SLC39A10: variants seen among roughly 807,000 people sequenced by gnomAD.
SLC39A10 encodes solute carrier family 39 member 10, also known as zinc transporter ZIP10.
SLC39A10 carries 13 observed loss-of-function variants against 65.1 expected under a neutral mutation model. The observed-to-expected ratio is 0.20, with a 90% confidence interval of 0.13 to 0.32. The LOEUF (loss-of-function observed/expected upper bound fraction) is 0.32, where lower values mean the gene tolerates loss of function less well. Among genes scored for constraint, SLC39A10 ranks in the 10% least tolerant of loss-of-function variants. SLC39A10 has a pLI of 1.00. For synonymous variants in SLC39A10, 321 were observed against 342.2 expected, an observed-to-expected ratio of 0.94 and a Z score of 0.68; for missense variants, 831 against 1,018.4, an observed-to-expected ratio of 0.82 and a Z score of 2.50.
At chr2:195,666,333 A>G (rs999197758) in intron 1 of SLC39A10, among the ~76,000 whole-genome samples, 1 of 152,178 alleles carries the variant, frequency 6.6e-6, no homozygotes, top group Non-Finnish European at 1.5e-5. Flanking sequence ...CAGTTTTTAC[A>G]ATGGCAAGCT....
intron 2 of SLC39A10, among the ~76,000 whole-genome samples, chr2:195,651,538 G>C (rs2105713950): frequency 6.6e-6 from 1 of 152,198 alleles, no homozygotes; most frequent in South Asian, 2.1e-4. Flanking sequence ...GCAGGGGCAT[G>C]ATCTCGGCTC....
At chr2:195,660,224 A>T (rs1234420622) in intron 1 of SLC39A10, among the ~76,000 whole-genome samples, 1 of 152,220 alleles carries the variant, frequency 6.6e-6, no homozygotes, top group Non-Finnish European at 1.5e-5. Flanking sequence ...TTACCTCAGT[A>T]TTGGAAATGC....
At chr2:195,686,401 A>T (rs1186754687) in intron 3 of SLC39A10, among the ~76,000 whole-genome samples, 1 of 152,198 alleles carries the variant, frequency 6.6e-6, no homozygotes, top group Non-Finnish European at 1.5e-5. Flanking sequence ...AATACAAAAA[A>T]TTAGCTGGAT....
intron 8 of SLC39A10, among the ~76,000 whole-genome samples, chr2:195,725,159 TAAATGGAGATTCTTAA>T (rs1454740003): frequency 6.6e-6 from 1 of 152,084 alleles, no homozygotes; most frequent in African/African-American, 2.4e-5. Flanking sequence ...GTAGGTAATC[TAAATGGAGATTCTTAA>T]AAATAGAAGA....
chr2:195,622,273 G>A (rs945281292), intron 2 of SLC39A10, among the ~76,000 whole-genome samples: 1 of 152,126 alleles, frequency 6.6e-6, no homozygotes, highest in African/African-American at 2.4e-5. Flanking sequence ...GGCTGAGATG[G>A]GAGGATGGCT....
chr2:195,720,992 A>C (rs1279342144), intron 8 of SLC39A10, among the ~76,000 whole-genome samples: 2 of 152,122 alleles, frequency 1.3e-5, no homozygotes, highest in Non-Finnish European at 2.9e-5. Flanking sequence ...CCCAGGCTGG[A>C]GTGCAGTGGC....
chr2:195,649,553 G>A lies in SLC39A10; in HGVS notation c.-11-30479G>A, dbSNP rs1035443250. ...TCTTATGTGATGACATTTTAAAATG[G>A]ATGTATTAATTTCAACCAGTTTAAC... is the stretch of plus-strand genomic sequence containing the variant. On this transcript the variant is annotated intron_variant, in intron 2 of 2. Transcript: ENST00000458054. 1.2e-4 allele frequency among the ~76,000 whole-genome samples: 19 copies of A among 152,150 alleles called. 1 individual carries two copies. Among genetic ancestry groups the A allele is most frequent in the Admixed American group, 1.2e-3 (19 of 15,274 alleles).
intron 1 of SLC39A10, among the ~76,000 whole-genome samples, chr2:195,665,013 A>C (rs998188932): frequency 6.6e-6 from 1 of 152,058 alleles, no homozygotes; most frequent in Non-Finnish European, 1.5e-5. Context: ...GGAAACCACC[A>C]TCTCGACAAA....
At chr2:195,711,862 C>G (rs147705222) in intron 5 of SLC39A10, among the ~76,000 whole-genome samples, 151 of 152,278 alleles carry the variant, frequency 9.9e-4, no homozygotes, top group African/African-American at 3.6e-3. Flanking sequence ...GTTGGCTCCT[C>G]CTTCCCCTTT....
intron 2 of SLC39A10, among the ~76,000 whole-genome samples, chr2:195,639,145 TC>T (rs1688752325): frequency 6.6e-6 from 1 of 152,038 alleles, no homozygotes; most frequent in Non-Finnish European, 1.5e-5. Flanking sequence ...TAAAGATAAG[TC>T]TTGCTATGTT....
At chr2:195,712,241 G>T (rs1356940820) in intron 5 of SLC39A10, among the ~76,000 whole-genome samples, 1 of 152,196 alleles carries the variant, frequency 6.6e-6, no homozygotes, top group African/African-American at 2.4e-5. Flanking sequence ...AAAAGCAAAA[G>T]CTTCCAGATC....
At chr2:195,723,533 T>C (rs1349087483) in intron 8 of SLC39A10, among the ~76,000 whole-genome samples, 1 of 152,078 alleles carries the variant, frequency 6.6e-6, no homozygotes, top group Admixed American at 6.5e-5. Flanking sequence ...CCCCAGAGTC[T>C]TGGACTCCAC....
At position 195,735,192 on chromosome 2, in the gene SLC39A10, G is replaced by A. The variant is rs758639190; in HGVS notation, c.*151G>A. On this transcript the variant is annotated 3_prime_UTR_variant, in exon 10 of 10. Transcript: ENST00000359634. ...TTGAGCCTAACCACAAGAGGCTGGT[G>A]CTTAGTACTGTTTTCCCTGCACGTA... 30 of 689,740 alleles carry A rather than the reference G, an allele frequency of 4.3e-5. No individual in the cohort carries two copies. The highest frequency in any genetic ancestry group is 6.3e-5 in the Non-Finnish European group (28 of 445,606). The allele number at this position is 689,740 out of a possible 1,614,324, so 42.7% of individuals were successfully genotyped here.
intron 1 of SLC39A10, among the ~76,000 whole-genome samples, chr2:195,669,263 T>TA (rs1177516631): frequency 3.3e-5 from 5 of 152,056 alleles, no homozygotes; most frequent in Non-Finnish European, 4.4e-5. Flanking sequence ...TCTTTTCCCT[T>TA]AAAAAAAGTC....
intron 2 of SLC39A10, among the ~76,000 whole-genome samples, chr2:195,636,588 A>G (rs1688700915): frequency 6.6e-6 from 1 of 151,852 alleles, no homozygotes. Context: ...AGTCTCTACT[A>G]AAAAAACAAA....
intron 2 of SLC39A10, among the ~76,000 whole-genome samples, chr2:195,644,385 AGGCTGGAGTGCAGT>A (rs1688868610): frequency 7.2e-6 from 1 of 138,202 alleles, no homozygotes; most frequent in Non-Finnish European, 1.5e-5. Context: ...TCTGTTGCCC[AGGCTGGAGTGCAGT>A]GGCACGATCT....
intron 2 of SLC39A10, among the ~76,000 whole-genome samples, chr2:195,613,099 A>G (rs1688133323): frequency 6.6e-6 from 1 of 152,162 alleles, no homozygotes; most frequent in Non-Finnish European, 1.5e-5. Context: ...CTGTAAGTGA[A>G]TTGATTTGTT....
At chr2:195,628,450 C>T (rs945445852) in intron 2 of SLC39A10, among the ~76,000 whole-genome samples, 1 of 152,208 alleles carries the variant, frequency 6.6e-6, no homozygotes, top group African/African-American at 2.4e-5. Context: ...CCAACAGCCA[C>T]ATCCACTTTA....
intron 2 of SLC39A10, among the ~76,000 whole-genome samples, chr2:195,683,386 A>G (rs1690406491): frequency 6.6e-6 from 1 of 152,038 alleles, no homozygotes; most frequent in Non-Finnish European, 1.5e-5. Flanking sequence ...TTGATAGGGA[A>G]ATGATTTTTC....
Sources: allele counts gnomAD v4.1 joint callset (sites outside exome capture counted in the v4.1 genomes callset), GRCh38; gene constraint gnomAD v4.1.1; transcripts MANE v1.5; gene names NCBI Gene and HGNC (gene_info 2026-07-23, HGNC 2026-07-21).